The following RIMS1 variants were observed in gnomAD, a reference collection of about 807,000 sequenced individuals.
The protein encoded by RIMS1 is regulating synaptic membrane exocytosis protein 1.
RIMS1 carries 83 observed loss-of-function variants against 214.1 expected under a neutral mutation model. That is an observed-to-expected ratio of 0.39 (90% confidence interval 0.32 to 0.47). The LOEUF (loss-of-function observed/expected upper bound fraction) is 0.47. Ranked by LOEUF, RIMS1 falls within the 20% of genes least tolerant of loss-of-function variation. RIMS1 has a pLI of 0.99. For synonymous variants in RIMS1, 793 were observed against 786.8 expected, an observed-to-expected ratio of 1.01 and a Z score of -0.13; for missense variants, 2,050 against 2,161.8, an observed-to-expected ratio of 0.95 and a Z score of 1.03.
intron 29 of RIMS1, among the ~76,000 whole-genome samples, chr6:72,374,433 T>C (rs2098316583): frequency 6.6e-6 from 1 of 152,230 alleles, no homozygotes; most frequent in Non-Finnish European, 1.5e-5. Flanking sequence ...ATAAGTTATA[T>C]TCTTCCCAGT....
chr6:72,396,927 C>T (rs901959309), intron 31 of RIMS1, among the ~76,000 whole-genome samples: 10 of 152,026 alleles, frequency 6.6e-5, no homozygotes, highest in Non-Finnish European at 1.0e-4. Context: ...GCAGGAGAAT[C>T]GCTTCAGCCC....
chr6:71,964,073 A>C (rs998446159), intron 1 of RIMS1, among the ~76,000 whole-genome samples: 8 of 152,192 alleles, frequency 5.3e-5, no homozygotes, highest in African/African-American at 1.9e-4. Context: ...GCATGGAAAT[A>C]TCTGGATGTG....
rs1365892625 is a variant in RIMS1, at chr6:72,400,762, A to G, written c.*48A>G. The G allele has an allele frequency of 7.2e-7, 1 of 1,381,718 alleles. No individual in the cohort carries two copies. Among genetic ancestry groups the G allele is most frequent in the Non-Finnish European group, 1.0e-6 (1 of 982,860 alleles). 85.6% of individuals were successfully genotyped at this position (1,381,718 alleles called of 1,614,324 possible). A position where few individuals can be genotyped will look rare whatever the true frequency, so the allele number is the denominator to read the frequency against. ...CAATAAAACTCTACTTTTCAGGATA[A>G]TAATCTGAACCAGATATTTCATGAT... On this transcript the variant is annotated 3_prime_UTR_variant, in exon 34 of 34. Coordinates refer to ENST00000521978, the MANE Select transcript of RIMS1 (RefSeq NM_014989.7).
At chr6:72,280,472 A>G (rs911558605) in intron 23 of RIMS1, among the ~76,000 whole-genome samples, 6 of 152,058 alleles carry the variant, frequency 3.9e-5, no homozygotes, top group African/African-American at 1.4e-4. Context: ...AGAAAATAAC[A>G]TTAGAATTTT....
Position 72,250,928 on chromosome 6 carries a change from A to G in RIMS1, c.2380A>G (p.Ser794Gly). The change falls in exon 14 of 34, where the codon AGT becomes GGT. Residue 794 changes from serine to glycine, a missense_variant. By Grantham distance (56) the Ser-to-Gly change is moderately conservative. Around this residue, in one of 6 missense-constraint regions of RIMS1, gnomAD observed 889 missense variants for 885.5 expected, o/e 1.00. Coordinates refer to ENST00000521978, the MANE Select transcript of RIMS1 (RefSeq NM_014989.7). Reference protein sequence around the residue: ...MYFLPDRSDKSKRRTKTVKKI... With the variant: ...MYFLPDRSDKGKRRTKTVKKI... The stretch of plus-strand genomic sequence containing the variant: ...AACATACTTATTTTTCAGTGATAAA[A>G]GTAAAAGGAGGACCAAAACAGTAAA... The G allele has an allele frequency of 6.7e-7, 1 of 1,500,908 alleles. No individual in the cohort carries two copies. 93.0% of individuals were successfully genotyped at this position (1,500,908 alleles called of 1,614,324 possible).
chr6:72,314,416 C>T (rs1032100626), intron 28 of RIMS1, among the ~76,000 whole-genome samples: 11 of 152,122 alleles, frequency 7.2e-5, no homozygotes, highest in African/African-American at 2.2e-4. Context: ...TATGAACAAA[C>T]ACTTTTCCAA....
At chr6:72,096,893 C>T in intron 2 of RIMS1, 56 bp from the exon 3 acceptor site, 1 of 1,396,510 alleles carries the variant, frequency 7.2e-7, no homozygotes, top group Non-Finnish European at 1.0e-6. Context: ...TTTGTTTGTT[C>T]TTGGTTTTGT....
chr6:71,981,102 A>G (rs1202789907), intron 2 of RIMS1, among the ~76,000 whole-genome samples: 13 of 152,146 alleles, frequency 8.5e-5, no homozygotes, highest in Admixed American at 8.5e-4. Flanking sequence ...ACTGCTCACC[A>G]GTCTAAGTTC....
At chr6:72,183,703 AT>A (rs575708393) in intron 6 of RIMS1, among the ~76,000 whole-genome samples, 26 of 149,316 alleles carry the variant, frequency 1.7e-4, no homozygotes, top group East Asian at 3.9e-4. Flanking sequence ...AATATACTGG[AT>A]TTTTTTTTTG....
chr6:72,217,270 A>G (rs2154024909), intron 6 of RIMS1: 1 of 1,498,278 alleles, frequency 6.7e-7, no homozygotes, highest in African/African-American at 1.4e-5. Context: ...TAATCTATGG[A>G]TAAATGTAAA....
rs150684807 is a variant in RIMS1, at chr6:71,915,362, A to G, written c.164+28175A>G. ...AAATCAGTCTAGTGACATATGAGATAACCTGCCTTTCTTTAAATAATAGTT... is the reference window on the plus strand; with the variant it reads ...AAATCAGTCTAGTGACATATGAGATGACCTGCCTTTCTTTAAATAATAGTT... On this transcript the variant is annotated intron_variant, in intron 1 of 33. Coordinates refer to ENST00000521978, the MANE Select transcript of RIMS1 (RefSeq NM_014989.7). Among the ~76,000 whole-genome samples the G allele has an allele frequency of 3.7e-4, 57 of 152,300 alleles. No homozygotes were observed. The East Asian group carries it at 9.8e-3, about 26-fold the overall frequency.
chr6:72,089,693 C>G (rs1835646110), intron 2 of RIMS1, among the ~76,000 whole-genome samples: 1 of 151,292 alleles, frequency 6.6e-6, no homozygotes, highest in African/African-American at 2.4e-5. Context: ...GACTATAAAT[C>G]ATGCTGCTAT....
At chr6:72,293,425 GT>G (rs2093686298) in intron 26 of RIMS1, among the ~76,000 whole-genome samples, 1 of 151,762 alleles carries the variant, frequency 6.6e-6, no homozygotes, top group Non-Finnish European at 1.5e-5. Context: ...AGATGAAATT[GT>G]TTTAAAATTT....
rs367928577 is a variant in RIMS1, at chr6:71,928,190, G to A, written c.165-40793G>A. Among the ~76,000 whole-genome samples, 11 of 151,930 alleles carry A rather than the reference G, an allele frequency of 7.2e-5. No homozygotes were observed. The East Asian group carries it at 1.2e-3, about 16-fold the overall frequency. The stretch of plus-strand genomic sequence containing the variant: ...TAAACAAATTTATAAGTATTTATAC[G>A]TACATCTTTGTATACACATATAGGT... On this transcript the variant is annotated intron_variant, in intron 1 of 33. Transcript: ENST00000521978.
intron 1 of RIMS1, among the ~76,000 whole-genome samples, chr6:71,889,735 G>A (rs1431324587): frequency 6.6e-6 from 1 of 152,200 alleles, no homozygotes; most frequent in Non-Finnish European, 1.5e-5. Context: ...AGGACATAAT[G>A]ACACATAGTC....
intron 2 of RIMS1, among the ~76,000 whole-genome samples, chr6:71,983,996 T>C (rs1695900752): frequency 6.6e-6 from 1 of 152,214 alleles, no homozygotes; most frequent in African/African-American, 2.4e-5. Context: ...GTGTTTATCA[T>C]AGGTTTCCAC....
In RIMS1 at chr6:72,178,751, A is replaced by T. The variant is rs956339726; in HGVS notation, c.472-824A>T. Among the ~76,000 whole-genome samples, 3 of 152,178 alleles carry T rather than the reference A, an allele frequency of 2.0e-5. No homozygotes were observed. In the East Asian group the frequency reaches 5.8e-4, roughly 29 times the overall value. On this transcript the variant is annotated intron_variant, in intron 4 of 33. Coordinates refer to ENST00000521978, the MANE Select transcript of RIMS1 (RefSeq NM_014989.7). Reference sequence around the variant, plus strand: ...GCTGCTATTATTATTTTTTATTATGATAATCGTCCTCATTATTACATTCAT... The same window carrying T: ...GCTGCTATTATTATTTTTTATTATGTTAATCGTCCTCATTATTACATTCAT...
At chr6:71,993,796 A>G (rs1562054466) in intron 2 of RIMS1, among the ~76,000 whole-genome samples, 1 of 152,204 alleles carries the variant, frequency 6.6e-6, no homozygotes, top group Non-Finnish European at 1.5e-5. Context: ...TAGATTTCAT[A>G]TAGTGGTAGG....
At chr6:72,040,606 A>T (rs1406127303) in intron 2 of RIMS1, among the ~76,000 whole-genome samples, 1 of 151,956 alleles carries the variant, frequency 6.6e-6, no homozygotes, top group Non-Finnish European at 1.5e-5. Context: ...GATTACTATT[A>T]TATAAAATAT....
Sources: gnomAD v4.1 joint callset for allele counts (sites outside exome capture counted in the v4.1 genomes callset) on GRCh38, gnomAD v4.1.1 for gene constraint, gnomAD v4.1.1 regional missense constraint, MANE v1.5 for transcripts, NCBI Gene and HGNC (gene_info 2026-07-23, HGNC 2026-07-21) for gene names.